The following KLHL29 variants were observed in gnomAD, a reference collection of about 807,000 sequenced individuals.
The protein encoded by KLHL29 is kelch like family member 29.
In KLHL29, 21 loss-of-function variants were observed where a neutral mutation model predicts 80.4. The observed-to-expected ratio is 0.26, with a 90% CI of 0.19 to 0.38. KLHL29 has a LOEUF of 0.38. Among genes scored for constraint, KLHL29 ranks in the 10% least tolerant of loss-of-function variants. KLHL29 has a pLI of 1.00. For synonymous variants in KLHL29, 511 were observed against 526.8 expected (o/e 0.97, Z 0.41); for missense variants, 867 against 1,223.9 (o/e 0.71, Z 4.35).
chr2:23,472,739 T>C (rs1664533014), intron 1 of KLHL29, among the ~76,000 whole-genome samples: 1 of 152,170 alleles, frequency 6.6e-6, no homozygotes. Flanking sequence ...ATTTCCTCAA[T>C]TTGAATGTTG....
intron 3 of KLHL29, among the ~76,000 whole-genome samples, chr2:23,566,007 C>A (rs1667582134): frequency 1.3e-5 from 2 of 152,256 alleles, no homozygotes; most frequent in African/African-American, 4.8e-5. Context: ...CAGGGGCCGG[C>A]TTCTGCCAGG....
intron 6 of KLHL29, among the ~76,000 whole-genome samples, chr2:23,687,053 C>T (rs1671293253): frequency 6.6e-6 from 1 of 152,162 alleles, no homozygotes; most frequent in Non-Finnish European, 1.5e-5. Flanking sequence ...TTTCAGTCCC[C>T]TTGGCATCCG....
At chr2:23,450,219 G>C (rs1663835657) in intron 1 of KLHL29, among the ~76,000 whole-genome samples, 1 of 152,056 alleles carries the variant, frequency 6.6e-6, no homozygotes, top group African/African-American at 2.4e-5. Context: ...CTCTCGGTGA[G>C]ACAGAGCACG....
chr2:23,560,372 G>C (rs1464950920), intron 2 of KLHL29, among the ~76,000 whole-genome samples: 1 of 143,334 alleles, frequency 7.0e-6, no homozygotes, highest in African/African-American at 2.7e-5. Context: ...CCAAGTTCAA[G>C]TGATTCTCCT....
chr2:23,664,132 T>C lies in KLHL29; in HGVS notation c.941-20267T>C, dbSNP rs1350854603. 4.6e-5 allele frequency among the ~76,000 whole-genome samples: 7 copies of C among 152,312 alleles called. No individual in the cohort carries two copies. In the East Asian group the frequency reaches 7.7e-4, roughly 17 times the overall value. On this transcript the variant is annotated intron_variant, in intron 5 of 13. Transcript: ENST00000486442. ...CAACTATGTTTATGAAAGCAACAGA[T>C]AGGAAGATCCGTAATGCCACTTAAT... is the stretch of plus-strand genomic sequence containing the variant.
At chr2:23,419,866 C>T (rs1662735938) in intron 1 of KLHL29, among the ~76,000 whole-genome samples, 2 of 152,278 alleles carry the variant, frequency 1.3e-5, no homozygotes, top group South Asian at 4.2e-4. Flanking sequence ...TGGGGCCAGT[C>T]ATTACTCCAG....
chr2:23,592,373 G>T (rs1227149432), intron 3 of KLHL29, among the ~76,000 whole-genome samples: 3 of 152,248 alleles, frequency 2.0e-5, no homozygotes, highest in African/African-American at 7.2e-5. Flanking sequence ...CCTAGAGGCT[G>T]AGCCCTGCTG....
At chr2:23,703,624 T>G in intron 12 of KLHL29, 95 bp from the exon 13 acceptor site, 1 of 1,395,856 alleles carries the variant, frequency 7.2e-7, no homozygotes, top group Non-Finnish European at 9.5e-7. Flanking sequence ...TGGAAGTCTT[T>G]CGAGCTTCCT....
At chr2:23,565,548 C>A (rs971695851) in intron 3 of KLHL29, among the ~76,000 whole-genome samples, 2 of 152,158 alleles carry the variant, frequency 1.3e-5, no homozygotes, top group African/African-American at 4.8e-5. Context: ...GGGCTCCAGA[C>A]CGAGACTGGT....
intron 3 of KLHL29, among the ~76,000 whole-genome samples, chr2:23,564,097 G>T (rs986151864): frequency 6.6e-6 from 1 of 152,270 alleles, no homozygotes; most frequent in Non-Finnish European, 1.5e-5. Flanking sequence ...AGGTGGGAGA[G>T]AGAGGCTGGG....
intron 2 of KLHL29, among the ~76,000 whole-genome samples, chr2:23,545,089 A>G (rs1430168997): frequency 1.3e-5 from 2 of 152,224 alleles, no homozygotes; most frequent in Non-Finnish European, 2.9e-5. Flanking sequence ...GAGAGATGAC[A>G]GAGGCCCAGG....
chr2:23,445,105 T>C (rs528196995), intron 1 of KLHL29, among the ~76,000 whole-genome samples: 1 of 152,170 alleles, frequency 6.6e-6, no homozygotes, highest in Non-Finnish European at 1.5e-5. Flanking sequence ...CTGCTGTATG[T>C]CATTTCACTT....
intron 3 of KLHL29, among the ~76,000 whole-genome samples, chr2:23,570,451 A>C (rs1297622545): frequency 6.6e-6 from 1 of 152,086 alleles, no homozygotes; most frequent in Non-Finnish European, 1.5e-5. Flanking sequence ...CTCTTCAGCC[A>C]CCCACGGGGT....
At chr2:23,670,529 A>AC (rs1670683773) in intron 5 of KLHL29, among the ~76,000 whole-genome samples, 1 of 152,036 alleles carries the variant, frequency 6.6e-6, no homozygotes, top group South Asian at 2.1e-4. Flanking sequence ...CCCAGGCCTG[A>AC]CATAGGCCTC....
intron 5 of KLHL29, among the ~76,000 whole-genome samples, chr2:23,659,609 C>G (rs913407971): frequency 3.3e-5 from 5 of 152,190 alleles, no homozygotes; most frequent in African/African-American, 1.2e-4. Flanking sequence ...CTCCCGCTTC[C>G]CCCACCATTG....
At chr2:23,403,067 A>G (rs193124383) in intron 1 of KLHL29, among the ~76,000 whole-genome samples, 1 of 152,106 alleles carries the variant, frequency 6.6e-6, no homozygotes, top group Admixed American at 6.5e-5. Flanking sequence ...ACATAGATAA[A>G]AAGGCTGAAA....
chr2:23,491,094 A>G (rs1040434491), intron 2 of KLHL29, among the ~76,000 whole-genome samples: 6 of 152,092 alleles, frequency 3.9e-5, no homozygotes, highest in African/African-American at 1.2e-4. Flanking sequence ...TGCGTTAGGT[A>G]TATGTCCTAA....
At chr2:23,633,685 C>G (rs1455884507) in intron 3 of KLHL29, among the ~76,000 whole-genome samples, 2 of 151,746 alleles carry the variant, frequency 1.3e-5, no homozygotes, top group Non-Finnish European at 2.9e-5. Context: ...GCCTCAAGGC[C>G]TCTTAAAAAG....
intron 1 of KLHL29, among the ~76,000 whole-genome samples, chr2:23,415,422 C>T (rs1239433823): frequency 6.6e-6 from 1 of 152,156 alleles, no homozygotes; most frequent in Non-Finnish European, 1.5e-5. Flanking sequence ...TTTTGTGAAG[C>T]GAAGGTGATT....
Sources: allele counts gnomAD v4.1 joint callset (sites outside exome capture counted in the v4.1 genomes callset), GRCh38; gene constraint gnomAD v4.1.1; transcripts MANE v1.5; gene names NCBI Gene and HGNC (gene_info 2026-07-23, HGNC 2026-07-21).